The following TAB3 variants were observed in gnomAD, a reference collection of about 807,000 sequenced individuals.
The protein encoded by TAB3 is TGF-beta activated kinase 1 (MAP3K7) binding protein 3.
In TAB3, 18 loss-of-function variants were observed where a neutral mutation model predicts 48.1. That is an observed-to-expected ratio of 0.37 (90% confidence interval 0.26 to 0.55). The LOEUF is 0.55. Ranked by LOEUF, TAB3 falls within the 20% of genes least tolerant of loss-of-function variation. TAB3 has a pLI of 0.78. For missense variants in TAB3, 414 were observed against 549.8 expected (o/e 0.75, Z 2.47); for synonymous variants, 185 against 190.2 (o/e 0.97, Z 0.22).
rs763434824 is a variant in TAB3 at position 30,877,403 on chromosome X, C to A, written c.-382-5602G>T. On this transcript the variant is annotated intron_variant, in intron 1 of 10. Coordinates refer to ENST00000288422, the MANE Select transcript of TAB3 (RefSeq NM_152787.5). Reference sequence around the variant, plus strand: ...AAGACCCATGAAGTTCAAATAAGCACGTGAAATCTAAAGGAATATTGACTG... The same window carrying A: ...AAGACCCATGAAGTTCAAATAAGCAAGTGAAATCTAAAGGAATATTGACTG... Among the ~76,000 whole-genome samples, 3 of 112,042 alleles carry A rather than the reference C, an allele frequency of 2.7e-5. No individual in the cohort carries two copies. In the East Asian group the frequency reaches 8.4e-4, roughly 31 times the overall value.
chrX:30,828,383 A>AAAT lies in TAB3; in HGVS notation c.*3041_*3043dup, dbSNP rs1336018404. Reference sequence around the variant, plus strand: ...ATCACACTTCCCATTTCTTCCAGGGAAATAAACAAATTAGCAACACTTTCC... The same window carrying AAAT: ...ATCACACTTCCCATTTCTTCCAGGGAAATAATAAACAAATTAGCAACACTTTCC... On this transcript the variant is annotated 3_prime_UTR_variant, in exon 11 of 11. Transcript: ENST00000288422. 8.8e-6 allele frequency: 1 copy of AAAT among 113,805 alleles called. No homozygotes were observed. The highest frequency in any genetic ancestry group is 1.9e-5 in the Non-Finnish European group (1 of 53,339). The allele number at this position is 113,805 out of a possible 1,213,427, so 9.4% of individuals were successfully genotyped here. A position where few individuals can be genotyped will look rare whatever the true frequency, so the allele number is the denominator to read the frequency against.
intron 1 of TAB3, among the ~76,000 whole-genome samples, chrX:30,873,091 G>A (rs929574782): frequency 4.1e-4 from 46 of 111,871 alleles, no homozygotes; most frequent in Non-Finnish European, 7.5e-4. Flanking sequence ...CAAATACAAT[G>A]AGTAGATCCT....
chrX:30,866,129 G>T (rs764401479), intron 4 of TAB3, among the ~76,000 whole-genome samples: 1 of 111,415 alleles, frequency 9.0e-6, no homozygotes, highest in South Asian at 3.8e-4. Flanking sequence ...TATACTATGA[G>T]ACTGAAATAA....
intron 4 of TAB3, among the ~76,000 whole-genome samples, chrX:30,864,573 C>T (rs1469632687): frequency 1.8e-5 from 2 of 112,309 alleles, no homozygotes; most frequent in Non-Finnish European, 3.8e-5. Flanking sequence ...GCCACAATTC[C>T]CCACACTCTA....
At chrX:30,888,689 C>T (rs991662721) in intron 1 of TAB3, among the ~76,000 whole-genome samples, 1 of 112,923 alleles carries the variant, frequency 8.9e-6, no homozygotes, top group Non-Finnish European at 1.9e-5. Flanking sequence ...CTTCACATCT[C>T]TCAACACCCT....
intron 1 of TAB3, among the ~76,000 whole-genome samples, chrX:30,874,399 C>G (rs367840374): frequency 1.1e-4 from 12 of 111,787 alleles, no homozygotes; most frequent in African/African-American, 3.6e-4. Context: ...TTGGCTATGC[C>G]TTAATTCTTG....
chrX:30,850,428 G>A (rs947624451), intron 7 of TAB3, among the ~76,000 whole-genome samples: 1 of 111,324 alleles, frequency 9.0e-6, no homozygotes, highest in Non-Finnish European at 1.9e-5. Context: ...AAGATAGATC[G>A]GGGGCCAGGT....
chrX:30,841,158 G>A (rs947201994), intron 9 of TAB3, among the ~76,000 whole-genome samples: 9 of 111,981 alleles, frequency 8.0e-5, no homozygotes, highest in Non-Finnish European at 3.8e-5. Flanking sequence ...GGCCAGGTGC[G>A]GTAGCTCATG....
intron 2 of TAB3, among the ~76,000 whole-genome samples, chrX:30,871,427 TC>T (rs752271515): frequency 1.2e-4 from 13 of 111,854 alleles, no homozygotes; most frequent in Non-Finnish European, 2.3e-4. Context: ...AAATTACCCT[TC>T]TATTTTCTGG....
intron 2 of TAB3, among the ~76,000 whole-genome samples, chrX:30,868,481 TTATA>T (rs775624507): frequency 7.1e-5 from 2 of 28,194 alleles, no homozygotes; most frequent in African/African-American, 2.1e-4. Flanking sequence ...TATATATAGC[TTATA>T]TATATATATA....
intron 4 of TAB3, among the ~76,000 whole-genome samples, chrX:30,862,415 C>T (rs972629185): frequency 3.6e-5 from 4 of 111,738 alleles, no homozygotes. Flanking sequence ...TAATTACAAG[C>T]CTTTAAAATA....
chrX:30,855,617 TGG>T (rs1939038655), intron 5 of TAB3, 55 bp from the exon 6 acceptor site: 2 of 1,081,253 alleles, frequency 1.8e-6, no homozygotes, highest in African/African-American at 3.7e-5. Flanking sequence ...ATTCTAATAG[TGG>T]AAGTCAGGCT....
At chrX:30,848,954 G>A (rs1438231312) in intron 7 of TAB3, among the ~76,000 whole-genome samples, 1 of 108,935 alleles carries the variant, frequency 9.2e-6, no homozygotes, top group Non-Finnish European at 1.9e-5. Flanking sequence ...GAGGGAGGGG[G>A]TAATTGGCAG....
chrX:30,845,140 C>T (rs780171509), intron 8 of TAB3: 1 of 112,545 alleles, frequency 8.9e-6, no homozygotes, highest in Non-Finnish European at 1.9e-5. Flanking sequence ...TTTGTTTAAT[C>T]TTGCCTAAAA....
At chrX:30,880,713 AT>A (rs772691223) in intron 1 of TAB3, among the ~76,000 whole-genome samples, 1 of 111,933 alleles carries the variant, frequency 8.9e-6, no homozygotes, top group Admixed American at 9.4e-5. Context: ...TACATGACAC[AT>A]TTTTGAAGAA....
intron 5 of TAB3, among the ~76,000 whole-genome samples, chrX:30,856,141 G>C (rs917406007): frequency 9.0e-6 from 1 of 111,415 alleles, no homozygotes; most frequent in Admixed American, 9.6e-5. Context: ...AACTTCAACT[G>C]TCTGAACCAT....
intron 7 of TAB3, among the ~76,000 whole-genome samples, chrX:30,847,722 T>C (rs1230034062): frequency 9.0e-6 from 1 of 111,395 alleles, no homozygotes; most frequent in Non-Finnish European, 1.9e-5. Context: ...AATATGTTAA[T>C]ATGCCAGTGA....
intron 4 of TAB3, among the ~76,000 whole-genome samples, chrX:30,866,047 T>G (rs1027245523): frequency 8.9e-6 from 1 of 111,942 alleles, no homozygotes; most frequent in Admixed American, 9.5e-5. Context: ...AGGATTTTTA[T>G]TACAGTAGAG....
At chrX:30,851,658 C>T (rs1458396518) in intron 7 of TAB3, among the ~76,000 whole-genome samples, 1 of 112,063 alleles carries the variant, frequency 8.9e-6, no homozygotes, top group Admixed American at 9.5e-5. Flanking sequence ...GTAGAAACTT[C>T]TCTATGAGGG....
Sources: gnomAD v4.1 joint callset for allele counts (sites outside exome capture counted in the v4.1 genomes callset) on GRCh38, gnomAD v4.1.1 for gene constraint, MANE v1.5 for transcripts, NCBI Gene and HGNC (gene_info 2026-07-23, HGNC 2026-07-21) for gene names.